Variants in PTPRD observed in about 807,000 individuals in gnomAD.
PTPRD encodes receptor-type tyrosine-protein phosphatase delta.
In PTPRD, 34 loss-of-function variants were observed where a neutral mutation model predicts 214.5. That is an observed-to-expected ratio of 0.16 (90% CI 0.12 to 0.21). The LOEUF is 0.21. Ranked by LOEUF, PTPRD falls within the 10% of genes least tolerant of loss-of-function variation. The pLI is 1.00. For missense variants in PTPRD, 2,545 were observed against 2,398.7 expected (o/e 1.06, Z -1.27); for synonymous variants, 1,128 against 845.7 (o/e 1.33, Z -5.79).
chr9:8,699,207 A>G (rs1201665093), intron 12 of PTPRD, among the ~76,000 whole-genome samples: 2 of 152,194 alleles, frequency 1.3e-5, no homozygotes, highest in Non-Finnish European at 2.9e-5. Context: ...TATGAAATCT[A>G]TCAGTTCAAC....
intron 10 of PTPRD, among the ~76,000 whole-genome samples, chr9:9,111,210 G>GAA (rs78493833): frequency 1.5e-5 from 1 of 67,956 alleles, no homozygotes; most frequent in Non-Finnish European, 3.3e-5. Flanking sequence ...ATTAGATAAA[G>GAA]AAAAAAAAAA....
intron 31 of PTPRD, among the ~76,000 whole-genome samples, chr9:8,467,830 C>G (rs1027010751): frequency 6.6e-6 from 1 of 151,744 alleles, no homozygotes; most frequent in African/African-American, 2.4e-5. Flanking sequence ...ATAATTGAAG[C>G]ATCATTACAC....
chr9:10,256,208 G>A (rs1014707269), intron 3 of PTPRD, among the ~76,000 whole-genome samples: 16 of 152,078 alleles, frequency 1.1e-4, no homozygotes, highest in Non-Finnish European at 1.9e-4. Context: ...CCAGTCCCTG[G>A]TGCCAAAAAG....
At chr9:9,504,080 C>T (rs1304193606) in intron 8 of PTPRD, among the ~76,000 whole-genome samples, 1 of 151,660 alleles carries the variant, frequency 6.6e-6, no homozygotes, top group African/African-American at 2.4e-5. Flanking sequence ...ATTCTCATTG[C>T]AATACCCTAT....
intron 11 of PTPRD, among the ~76,000 whole-genome samples, chr9:8,915,632 C>G (rs1182799553): frequency 6.6e-6 from 1 of 152,100 alleles, no homozygotes; most frequent in African/African-American, 2.4e-5. Flanking sequence ...GCAGCTGTAG[C>G]CTGAATGTCA....
At chr9:8,821,038 G>A (rs369721088) in intron 11 of PTPRD, among the ~76,000 whole-genome samples, 37 of 152,236 alleles carry the variant, frequency 2.4e-4, no homozygotes, top group African/African-American at 8.7e-4. Context: ...CCCTTTCCCA[G>A]CTAGGGTTGG....
At chr9:8,488,964 C>T (rs1002167329) in intron 27 of PTPRD, among the ~76,000 whole-genome samples, 4 of 152,150 alleles carry the variant, frequency 2.6e-5, no homozygotes, top group East Asian at 3.8e-4. Context: ...CTAGTTCCAA[C>T]GAACTGCATA....
intron 10 of PTPRD, among the ~76,000 whole-genome samples, chr9:9,032,198 A>G (rs1184188491): frequency 1.3e-5 from 2 of 152,000 alleles, no homozygotes; most frequent in Non-Finnish European, 2.9e-5. Flanking sequence ...AAAGCCCCTA[A>G]AAATGATGAC....
intron 9 of PTPRD, among the ~76,000 whole-genome samples, chr9:9,342,865 C>T (rs1256603448): frequency 6.6e-6 from 1 of 152,100 alleles, no homozygotes; most frequent in Non-Finnish European, 1.5e-5. Flanking sequence ...CCCCTAGCCC[C>T]CTACCCCGCC....
At chr9:10,153,191 A>T (rs1417583055) in intron 3 of PTPRD, among the ~76,000 whole-genome samples, 2 of 152,150 alleles carry the variant, frequency 1.3e-5, no homozygotes, top group Non-Finnish European at 2.9e-5. Flanking sequence ...GATAATAAGC[A>T]TGTGAGGTGA....
chr9:9,854,865 G>A (rs2061253406), intron 5 of PTPRD, among the ~76,000 whole-genome samples: 1 of 152,058 alleles, frequency 6.6e-6, no homozygotes, highest in African/African-American at 2.4e-5. Context: ...AAACTTCCAG[G>A]AGACACCAGT....
intron 5 of PTPRD, among the ~76,000 whole-genome samples, chr9:9,845,279 C>T (rs938959805): frequency 7.1e-6 from 1 of 141,582 alleles, no homozygotes; most frequent in Non-Finnish European, 1.6e-5. Context: ...TCAGTATTTT[C>T]AAAGAGAAAA....
intron 2 of PTPRD, among the ~76,000 whole-genome samples, chr9:10,596,117 A>G (rs953857501): frequency 6.6e-6 from 1 of 151,810 alleles, no homozygotes; most frequent in African/African-American, 2.4e-5. Flanking sequence ...ATTAAGTTAG[A>G]TAATAGGATG....
At chr9:10,080,598 G>A (rs1336260218) in intron 3 of PTPRD, among the ~76,000 whole-genome samples, 2 of 152,060 alleles carry the variant, frequency 1.3e-5, no homozygotes, top group Non-Finnish European at 2.9e-5. Flanking sequence ...TGTTCTACAT[G>A]CAAATAACAG....
At chr9:10,005,513 C>T (rs2096455479) in intron 4 of PTPRD, among the ~76,000 whole-genome samples, 1 of 151,970 alleles carries the variant, frequency 6.6e-6, no homozygotes, top group Admixed American at 6.6e-5. Context: ...TTTCAGATAG[C>T]TCAAAAATGG....
rs561764901 is a variant in PTPRD, at chr9:8,518,413, T to G, written c.978A>C (p.Pro326=). The part of the protein sequence containing the change: ...QITVKALPKP[P]GTPVVTESTA... ...TGCTCTCGGTCACTACAGGAGTTCCTGGAGGTTTGGGTAAGGCTTGGATGG... is the reference window on the plus strand; with the variant it reads ...TGCTCTCGGTCACTACAGGAGTTCCGGGAGGTTTGGGTAAGGCTTGGATGG... The change falls in exon 21 of 46, where the codon CCA becomes CCC. Residue 326 remains proline (P), a synonymous_variant. Transcript: ENST00000381196. 1.2e-4 allele frequency: 188 copies of G among 1,605,146 alleles called. No homozygotes were observed. Among genetic ancestry groups the G allele is most frequent in the Non-Finnish European group, 1.6e-4 (183 of 1,176,154 alleles).
At chr9:9,361,940 A>G (rs1331010576) in intron 9 of PTPRD, among the ~76,000 whole-genome samples, 1 of 151,144 alleles carries the variant, frequency 6.6e-6, no homozygotes, top group Non-Finnish European at 1.5e-5. Context: ...TTTTTCTCAT[A>G]TATGTTGGAT....
intron 8 of PTPRD, among the ~76,000 whole-genome samples, chr9:9,456,421 T>C (rs1402162372): frequency 1.3e-5 from 2 of 151,872 alleles, no homozygotes; most frequent in Admixed American, 6.6e-5. Context: ...TCCCAATAAG[T>C]TGGTAAATGA....
At chr9:9,440,546 A>G (rs561810757) in intron 8 of PTPRD, among the ~76,000 whole-genome samples, 1 of 152,232 alleles carries the variant, frequency 6.6e-6, no homozygotes, top group East Asian at 1.9e-4. Flanking sequence ...AGTGTGGTCC[A>G]TAACAGTTGT....
Sources: allele counts gnomAD v4.1 joint callset (sites outside exome capture counted in the v4.1 genomes callset), GRCh38; gene constraint gnomAD v4.1.1; transcripts MANE v1.5; gene names NCBI Gene and HGNC (gene_info 2026-07-23, HGNC 2026-07-21).